RARB: variants seen among roughly 807,000 people sequenced by gnomAD.
The protein encoded by RARB is HBV-activated protein.
In RARB, 17 loss-of-function variants were observed where a neutral mutation model predicts 51.9. The observed-to-expected ratio is 0.33, with a 90% CI of 0.22 to 0.49. RARB has a LOEUF of 0.49. Ranked by LOEUF, RARB falls within the 20% of genes least tolerant of loss-of-function variation. The pLI is 0.99. For missense variants in RARB, 369 were observed against 550.8 expected, an observed-to-expected ratio of 0.67 and a Z score of 3.30; for synonymous variants, 215 against 195.4, an observed-to-expected ratio of 1.10 and a Z score of -0.84.
intron 2 of RARB, among the ~76,000 whole-genome samples, chr3:25,487,983 C>A (rs1355006295): frequency 6.6e-6 from 1 of 152,184 alleles, no homozygotes; most frequent in East Asian, 1.9e-4. Context: ...TGATTCATGG[C>A]TTATTTTCCA....
chr3:25,129,822 A>G (rs1038345511), intron 3 of RARB, among the ~76,000 whole-genome samples: 6 of 152,130 alleles, frequency 3.9e-5, no homozygotes, highest in Admixed American at 6.6e-5. Context: ...GGTATTAACT[A>G]TACACCTTTT....
At position 25,031,113 on chromosome 3, in the gene RARB, C is replaced by T. The variant is rs1017756339; in HGVS notation, c.-379-29012C>T. 4.6e-5 allele frequency among the ~76,000 whole-genome samples: 7 copies of T among 152,280 alleles called. No homozygotes were observed. In the East Asian group the frequency reaches 9.7e-4, roughly 21 times the overall value. On this transcript the variant is annotated intron_variant, in intron 2 of 11. Transcript: ENST00000383772. ...TGCATTGTAGGATGTTGAGCAGCAT[C>T]CCCGGCCTCAACTCACTAGGTGCCA...
intron 3 of RARB, among the ~76,000 whole-genome samples, chr3:25,081,582 T>A (rs1354403779): frequency 2.0e-5 from 1 of 51,002 alleles, no homozygotes; most frequent in Non-Finnish European, 3.7e-5. Flanking sequence ...GTTTGCTTCA[T>A]ATACATATAT....
intron 5 of RARB, among the ~76,000 whole-genome samples, chr3:25,237,947 A>G (rs1414734484): frequency 6.6e-6 from 1 of 152,120 alleles, no homozygotes; most frequent in Non-Finnish European, 1.5e-5. Flanking sequence ...ACTTTGTTGC[A>G]TGCATAGAAG....
intron 2 of RARB, among the ~76,000 whole-genome samples, chr3:25,002,173 C>A (rs1323652890): frequency 6.6e-6 from 1 of 152,152 alleles, no homozygotes; most frequent in Non-Finnish European, 1.5e-5. Flanking sequence ...TTACAACATT[C>A]ACTTAACATT....
At chr3:24,961,783 A>G (rs1359334073) in intron 2 of RARB, among the ~76,000 whole-genome samples, 1 of 152,226 alleles carries the variant, frequency 6.6e-6, no homozygotes, top group Non-Finnish European at 1.5e-5. Context: ...AATTTGGTTT[A>G]TCTCCATTTA....
intron 5 of RARB, among the ~76,000 whole-genome samples, chr3:25,278,233 T>C (rs1396617333): frequency 6.6e-6 from 1 of 152,226 alleles, no homozygotes; most frequent in Non-Finnish European, 1.5e-5. Context: ...AAGTATCTGC[T>C]TCTAGAGCTG....
chr3:25,386,132 G>T (rs779307681), intron 5 of RARB, among the ~76,000 whole-genome samples: 1 of 152,130 alleles, frequency 6.6e-6, no homozygotes, highest in Admixed American at 6.6e-5. Context: ...ATACACCAGG[G>T]ACACAAACAG....
chr3:25,556,142 A>T (rs1700049831), intron 3 of RARB, among the ~76,000 whole-genome samples: 1 of 152,034 alleles, frequency 6.6e-6, no homozygotes, highest in Admixed American at 6.6e-5. Flanking sequence ...TTTCCAAATG[A>T]CTCTCCAGAG....
intron 3 of RARB, among the ~76,000 whole-genome samples, chr3:25,522,465 T>A (rs1698444327): frequency 6.6e-6 from 1 of 152,308 alleles, no homozygotes; most frequent in East Asian, 1.9e-4. Flanking sequence ...TGAAGTTTTC[T>A]TTATTTAGCA....
At chr3:24,895,914 T>C (rs1703469478) in intron 2 of RARB, among the ~76,000 whole-genome samples, 2 of 152,180 alleles carry the variant, frequency 1.3e-5, no homozygotes, top group Admixed American at 1.3e-4. Flanking sequence ...TTGTACACTC[T>C]TGTTTATTGC....
intron 5 of RARB, among the ~76,000 whole-genome samples, chr3:25,336,824 A>G (rs533993209): frequency 5.6e-4 from 85 of 152,242 alleles, no homozygotes; most frequent in Middle Eastern, 3.4e-3. Flanking sequence ...GTTCAGGATG[A>G]GAGAGTGATT....
intron 4 of RARB, among the ~76,000 whole-genome samples, chr3:25,155,791 C>CA (rs1700364036): frequency 6.6e-6 from 1 of 152,232 alleles, no homozygotes; most frequent in South Asian, 2.1e-4. Flanking sequence ...ATGTGCTCTG[C>CA]AGCCTGTCTG....
intron 5 of RARB, among the ~76,000 whole-genome samples, chr3:25,392,137 A>C (rs1706980593): frequency 6.6e-6 from 1 of 152,056 alleles, no homozygotes; most frequent in African/African-American, 2.4e-5. Context: ...GCACCATTTG[A>C]TGAATAGGGT....
At chr3:25,319,810 T>C (rs569482009) in intron 5 of RARB, among the ~76,000 whole-genome samples, 6 of 152,268 alleles carry the variant, frequency 3.9e-5, no homozygotes, top group African/African-American at 4.8e-5. Context: ...ACTGTGTGAG[T>C]TGCAGACAGA....
At chr3:25,337,584 G>C (rs1048799244) in intron 5 of RARB, among the ~76,000 whole-genome samples, 1 of 151,992 alleles carries the variant, frequency 6.6e-6, no homozygotes, top group Non-Finnish European at 1.5e-5. Flanking sequence ...TGTTCTCTCT[G>C]CCTGAAATGT....
At chr3:25,174,290 C>T in exon 5 of RARB, 1 of 977,908 alleles carries the variant, frequency 1.0e-6, no homozygotes, top group South Asian at 1.4e-5. Flanking sequence ...GCCCAGAACA[C>T]AGCTCAGCCT....
In RARB at chr3:25,308,695, G is replaced by A. The variant is rs147630003; in HGVS notation, c.178+134120G>A. On this transcript the variant is annotated intron_variant, in intron 5 of 11. Coordinates refer to the RARB transcript ENST00000383772. Reference sequence around the variant, plus strand: ...ACTCCTGACCTCAAATGATCCACCTGCCTCAGCCTCCCAAAGTGCTGGGAT... The same window carrying A: ...ACTCCTGACCTCAAATGATCCACCTACCTCAGCCTCCCAAAGTGCTGGGAT... Among the ~76,000 whole-genome samples, 78 of 152,206 alleles carry A rather than the reference G, an allele frequency of 5.1e-4. 1 individual carries two copies. The highest frequency in any genetic ancestry group is 2.4e-3 in the Admixed American group (36 of 15,288).
chr3:25,382,655 A>C (rs1706663299), intron 5 of RARB, among the ~76,000 whole-genome samples: 1 of 152,202 alleles, frequency 6.6e-6, no homozygotes, highest in South Asian at 2.1e-4. Context: ...CAGGAGTTCA[A>C]GACCAGCCTG....
Sources: allele counts gnomAD v4.1 joint callset (sites outside exome capture counted in the v4.1 genomes callset), GRCh38; gene constraint gnomAD v4.1.1; transcripts MANE v1.5; gene names NCBI Gene and HGNC (gene_info 2026-07-23, HGNC 2026-07-21).